NDUFS4: variants seen among roughly 807,000 people sequenced by gnomAD.
NDUFS4 encodes NADH dehydrogenase [ubiquinone] iron-sulfur protein 4, mitochondrial.
NDUFS4 carries 28 observed loss-of-function variants against 24.3 expected under a neutral mutation model. The ratio of observed to expected loss-of-function variants is 1.15; its 90% CI spans 0.85 to 1.58. NDUFS4 has a LOEUF of 1.58. Among genes scored for constraint, NDUFS4 ranks in the 40% most tolerant of loss-of-function variants. NDUFS4 has a pLI of 0.00. For missense variants in NDUFS4, 223 were observed against 207.9 expected (o/e 1.07, Z -0.45); for synonymous variants, 93 against 69.7 (o/e 1.34, Z -1.67).
At chr5:53,678,493 G>A (rs2111599581) in intron 4 of NDUFS4, among the ~76,000 whole-genome samples, 1 of 152,132 alleles carries the variant, frequency 6.6e-6, no homozygotes, top group East Asian at 1.9e-4. Context: ...ATCTTCTTCT[G>A]TCGCACAGCT....
At chr5:53,580,809 C>T (rs1304385544) in intron 1 of NDUFS4, among the ~76,000 whole-genome samples, 1 of 134,642 alleles carries the variant, frequency 7.4e-6, no homozygotes, top group Non-Finnish European at 1.6e-5. Flanking sequence ...CTTTCTTTCC[C>T]TTTCTTTTCT....
At chr5:53,574,882 C>T (rs1192239500) in intron 1 of NDUFS4, among the ~76,000 whole-genome samples, 5 of 151,946 alleles carry the variant, frequency 3.3e-5, no homozygotes, top group African/African-American at 2.4e-5. Context: ...GTAGTTGCAC[C>T]TAAATCAGGG....
At chr5:53,595,955 T>A (rs1248348959) in intron 1 of NDUFS4, among the ~76,000 whole-genome samples, 1 of 152,202 alleles carries the variant, frequency 6.6e-6, no homozygotes, top group Non-Finnish European at 1.5e-5. Context: ...TAAGATAATA[T>A]TCAGTACTGT....
chr5:53,592,766 A>G (rs1377257492), intron 1 of NDUFS4, among the ~76,000 whole-genome samples: 2 of 152,182 alleles, frequency 1.3e-5, no homozygotes, highest in African/African-American at 2.4e-5. Context: ...CCTTATTACT[A>G]TAGCTGTGCA....
chr5:53,582,390 C>T (rs11749849), intron 1 of NDUFS4, among the ~76,000 whole-genome samples: 24,320 of 151,982 alleles, frequency 0.16, 1,933 homozygotes, highest in Middle Eastern at 0.19. Flanking sequence ...CAGGAACCAG[C>T]CCTGGACAGG....
At chr5:53,621,922 G>A (rs1043642075) in intron 2 of NDUFS4, among the ~76,000 whole-genome samples, 1 of 151,686 alleles carries the variant, frequency 6.6e-6, no homozygotes, top group South Asian at 2.1e-4. Flanking sequence ...GGATGGTCTC[G>A]ATCTCCTGAC....
chr5:53,683,203 A>AAG lies in NDUFS4; in HGVS notation c.513_514dup (p.Val172GlufsTer18). 6.2e-7 allele frequency: 1 copy of AAG among 1,609,138 alleles called. No homozygotes were observed. The highest frequency in any genetic ancestry group is 1.1e-5 in the South Asian group (1 of 90,974). ...CAAACTTTTCTTGGAACAAAAGAAC[A>AAG]AGAGTATCCACAAAATAGGTTGGCA... is the stretch of plus-strand genomic sequence containing the variant. On this transcript the variant is annotated frameshift_variant, in exon 5 of 5. Coordinates refer to ENST00000296684, the MANE Select transcript of NDUFS4 (RefSeq NM_002495.4). LOFTEE classifies it high-confidence loss of function.
chr5:53,663,202 G>T (rs1247747892), intron 4 of NDUFS4, among the ~76,000 whole-genome samples: 2 of 151,984 alleles, frequency 1.3e-5, no homozygotes, highest in East Asian at 3.9e-4. Flanking sequence ...GTTATAATTT[G>T]TTATAATTTC....
At chr5:53,586,700 T>A (rs934423930) in intron 1 of NDUFS4, among the ~76,000 whole-genome samples, 1 of 151,864 alleles carries the variant, frequency 6.6e-6, no homozygotes, top group Admixed American at 6.6e-5. Flanking sequence ...TTTTTTGTAT[T>A]TTTTAGTAGA....
At chr5:53,658,783 CCAA>C in intron 4 of NDUFS4, 159 bp downstream of exon 4, 3 of 102,438 alleles carry the variant, frequency 2.9e-5, no homozygotes, top group South Asian at 4.3e-4. Flanking sequence ...ACACCCACCT[CCAA>C]AAAAAAAAAA....
chr5:53,575,289 C>T lies in NDUFS4; in HGVS notation c.98+14529C>T, dbSNP rs543684502. On this transcript the variant is annotated intron_variant, in intron 1 of 4. Coordinates refer to ENST00000296684, the MANE Select transcript of NDUFS4 (RefSeq NM_002495.4). ...TTGAGTTCTGATGATCTTCCCTGAT[C>T]TGCCTGCTATTTCCTTTTCAGAGCC... Among the ~76,000 whole-genome samples the T allele has an allele frequency of 2.6e-5, 4 of 152,252 alleles. No individual in the cohort carries two copies. The South Asian group carries it at 8.3e-4, about 32-fold the overall frequency.
intron 1 of NDUFS4, among the ~76,000 whole-genome samples, chr5:53,578,999 A>G (rs1457137957): frequency 2.0e-5 from 3 of 152,194 alleles, no homozygotes; most frequent in Non-Finnish European, 4.4e-5. Context: ...ATCTATCTTT[A>G]GCATCTACCA....
intron 2 of NDUFS4, among the ~76,000 whole-genome samples, chr5:53,604,414 T>G (rs557695534): frequency 6.6e-6 from 1 of 152,298 alleles, no homozygotes; most frequent in African/African-American, 2.4e-5. Flanking sequence ...TTTGGAAAAT[T>G]CACATCTTGT....
At chr5:53,573,031 A>G (rs1749266519) in intron 1 of NDUFS4, among the ~76,000 whole-genome samples, 1 of 135,800 alleles carries the variant, frequency 7.4e-6, no homozygotes, top group Non-Finnish European at 1.5e-5. Context: ...GGGTAGTGGT[A>G]TGATAATGGC....
intron 2 of NDUFS4, among the ~76,000 whole-genome samples, chr5:53,629,501 T>C (rs781609220): frequency 3.0e-4 from 46 of 152,166 alleles, no homozygotes; most frequent in Admixed American, 8.5e-4. Flanking sequence ...CCAGTGTTAT[T>C]GTGTGGGAGG....
intron 1 of NDUFS4, among the ~76,000 whole-genome samples, chr5:53,597,122 A>G (rs1008654045): frequency 6.6e-6 from 1 of 152,128 alleles, no homozygotes; most frequent in Admixed American, 6.5e-5. Context: ...TTTCATGTCC[A>G]ACATACCTCA....
chr5:53,589,320 C>A (rs1351950623), intron 1 of NDUFS4, among the ~76,000 whole-genome samples: 1 of 152,194 alleles, frequency 6.6e-6, no homozygotes, highest in African/African-American at 2.4e-5. Context: ...CCCCAAAATA[C>A]CTGTAGCTTA....
At chr5:53,623,439 C>T (rs933976014) in intron 2 of NDUFS4, among the ~76,000 whole-genome samples, 1 of 152,036 alleles carries the variant, frequency 6.6e-6, no homozygotes, top group African/African-American at 2.4e-5. Flanking sequence ...TATTCAAGTT[C>T]TTTGTTCATT....
intron 1 of NDUFS4, among the ~76,000 whole-genome samples, chr5:53,572,872 C>G (rs1188292384): frequency 6.6e-6 from 1 of 151,810 alleles, no homozygotes; most frequent in Non-Finnish European, 1.5e-5. Context: ...TCTCGAACTC[C>G]CGACCTCGTG....
Sources: gnomAD v4.1 joint callset for allele counts (sites outside exome capture counted in the v4.1 genomes callset) on GRCh38, gnomAD v4.1.1 for gene constraint, MANE v1.5 for transcripts, NCBI Gene and HGNC (gene_info 2026-07-23, HGNC 2026-07-21) for gene names.